Variants in CNTNAP2 observed in about 807,000 individuals in gnomAD.
CNTNAP2 encodes the protein contactin associated protein 2.
A neutral mutation model predicts 155.2 loss-of-function variants in CNTNAP2; 98 were observed. The observed-to-expected ratio is 0.63, with a 90% CI of 0.54 to 0.75. CNTNAP2 has a LOEUF of 0.75. CNTNAP2 is among the 30% of genes least tolerant of loss of function. CNTNAP2 has a pLI of 0.00. For synonymous variants in CNTNAP2, 651 were observed against 631.2 expected (o/e 1.03, Z -0.47); for missense variants, 1,727 against 1,688.1 (o/e 1.02, Z -0.40).
In CNTNAP2 at chr7:147,793,118, A is replaced by C. The variant is rs79565133; in HGVS notation, c.2099-110447A>C. Among the ~76,000 whole-genome samples the C allele has an allele frequency of 8.6e-3, 1,308 of 152,252 alleles. 18 individuals are homozygous for C. The highest frequency in any genetic ancestry group is 0.03 in the African/African-American group (1,230 of 41,576). Reference sequence around the variant, plus strand: ...TTATCAGGTATATGGTTTTCAAAAAATTTATCATCTGTGTGTTGTCTTTTT... The same window carrying C: ...TTATCAGGTATATGGTTTTCAAAAACTTTATCATCTGTGTGTTGTCTTTTT... On this transcript the variant is annotated intron_variant, in intron 13 of 23. Transcript: ENST00000361727.
At chr7:146,776,212 G>C (rs1412824501) in intron 2 of CNTNAP2, among the ~76,000 whole-genome samples, 1 of 152,136 alleles carries the variant, frequency 6.6e-6, no homozygotes, top group Non-Finnish European at 1.5e-5. Context: ...TAGGTCCCAA[G>C]AGAGTGTACT....
intron 1 of CNTNAP2, among the ~76,000 whole-genome samples, chr7:146,431,199 A>C (rs1796168546): frequency 6.6e-6 from 1 of 152,062 alleles, no homozygotes; most frequent in African/African-American, 2.4e-5. Context: ...GGTTTGCTCC[A>C]TTTAAAAAAT....
At chr7:147,939,355 G>T (rs1290563106) in intron 14 of CNTNAP2, among the ~76,000 whole-genome samples, 2 of 151,040 alleles carry the variant, frequency 1.3e-5, no homozygotes, top group Non-Finnish European at 2.9e-5. Flanking sequence ...TATTTTTTTT[G>T]AGACAGGCTG....
Position 146,299,227 on chromosome 7 carries a change from T to C in CNTNAP2, c.97+182254T>C, listed in dbSNP as rs547921742. ...TGGAGGTTGCAGTGAGCCGAGATCA[T>C]GCCACTGCACTCCAGCCTGGGCAAC... On this transcript the variant is annotated intron_variant, in intron 1 of 23. Coordinates refer to ENST00000361727, the MANE Select transcript of CNTNAP2 (RefSeq NM_014141.6). 1.3e-4 allele frequency among the ~76,000 whole-genome samples: 20 copies of C among 152,132 alleles called. 1 individual carries two copies. The South Asian group carries it at 4.2e-3, about 32-fold the overall frequency.
At chr7:148,239,064 G>A (rs1796098264) in intron 20 of CNTNAP2, among the ~76,000 whole-genome samples, 2 of 152,136 alleles carry the variant, frequency 1.3e-5, no homozygotes, top group African/African-American at 2.4e-5. Context: ...TACATTTACT[G>A]TAACTCCTTC....
intron 16 of CNTNAP2, among the ~76,000 whole-genome samples, chr7:148,133,254 G>A (rs912284422): frequency 6.6e-6 from 1 of 152,106 alleles, no homozygotes; most frequent in Non-Finnish European, 1.5e-5. Context: ...CTGAGGCCAC[G>A]AGATCTAGAC....
intron 1 of CNTNAP2, among the ~76,000 whole-genome samples, chr7:146,229,450 G>A (rs1265461816): frequency 6.6e-6 from 1 of 152,100 alleles, no homozygotes; most frequent in Non-Finnish European, 1.5e-5. Flanking sequence ...TCTGCTCCAG[G>A]TAGTGGTTTG....
At chr7:146,306,752 T>C (rs895673174) in intron 1 of CNTNAP2, among the ~76,000 whole-genome samples, 20 of 151,812 alleles carry the variant, frequency 1.3e-4, no homozygotes, top group African/African-American at 4.6e-4. Flanking sequence ...TCTCAGTAGA[T>C]GCTGAAAGGC....
chr7:147,142,514 G>A (rs1054738729), intron 8 of CNTNAP2, among the ~76,000 whole-genome samples: 2 of 152,124 alleles, frequency 1.3e-5, no homozygotes, highest in East Asian at 1.9e-4. Context: ...AAGTTCATCA[G>A]GGATATTGGT....
rs139607016 is a variant in CNTNAP2, at chr7:147,059,733, G to A, written c.550+15679G>A. On this transcript the variant is annotated intron_variant, in intron 4 of 23. Transcript: ENST00000361727. ...GTCCTTACAACAAAGATGCAAAACAGGTAATTATTCCCCCATTTTGCAAAT... is the reference window on the plus strand; with the variant it reads ...GTCCTTACAACAAAGATGCAAAACAAGTAATTATTCCCCCATTTTGCAAAT... Among the ~76,000 whole-genome samples, 132 of 152,138 alleles carry A rather than the reference G, an allele frequency of 8.7e-4. 2 individuals are homozygous for A. The East Asian group carries it at 0.018, about 21-fold the overall frequency.
chr7:147,684,345 G>C (rs937493262), intron 13 of CNTNAP2, among the ~76,000 whole-genome samples: 5 of 151,670 alleles, frequency 3.3e-5, no homozygotes, highest in Admixed American at 3.3e-4. Context: ...ACACACTGAA[G>C]AAAATAATTT....
At position 146,352,774 on chromosome 7, in the gene CNTNAP2, A is replaced by T. The variant is rs866943200; in HGVS notation, c.97+235801A>T. Among the ~76,000 whole-genome samples the T allele has an allele frequency of 0.011, 368 of 34,344 alleles. 4 individuals are homozygous for T. In the African/African-American group the frequency reaches 0.11, roughly 10 times the overall value. The allele number at this position is 34,344 out of a possible 152,430, so 22.5% of individuals were successfully genotyped here. A position where few individuals can be genotyped will look rare whatever the true frequency, so the allele number is the denominator to read the frequency against. On this transcript the variant is annotated intron_variant, in intron 1 of 23. Transcript: ENST00000361727. The stretch of plus-strand genomic sequence containing the variant: ...TGTTTTTTTTTTTTTTTTTTTTTCG[A>T]GACAGAGTCTCTCTCTGTCGCCCAG...
chr7:147,241,487 G>T (rs1384215384), intron 8 of CNTNAP2, among the ~76,000 whole-genome samples: 1 of 151,896 alleles, frequency 6.6e-6, no homozygotes, highest in Non-Finnish European at 1.5e-5. Flanking sequence ...AATTACCTGG[G>T]CGTGGTTGCA....
chr7:147,168,007 T>C (rs1802149571), intron 8 of CNTNAP2, among the ~76,000 whole-genome samples: 1 of 149,214 alleles, frequency 6.7e-6, no homozygotes. Context: ...TACATGCATA[T>C]ATATACATAT....
chr7:146,400,317 T>G (rs1438297757), intron 1 of CNTNAP2, among the ~76,000 whole-genome samples: 1 of 152,150 alleles, frequency 6.6e-6, no homozygotes, highest in African/African-American at 2.4e-5. Context: ...AAAACTTCTT[T>G]GAATTACCAT....
At chr7:147,298,629 T>C (rs534299898) in intron 8 of CNTNAP2, among the ~76,000 whole-genome samples, 38 of 152,326 alleles carry the variant, frequency 2.5e-4, no homozygotes, top group South Asian at 4.1e-4. Context: ...CAACTAGTAA[T>C]GTATGATTTT....
intron 1 of CNTNAP2, among the ~76,000 whole-genome samples, chr7:146,388,839 AC>A (rs1321743374): frequency 1.3e-5 from 2 of 152,108 alleles, no homozygotes; most frequent in Admixed American, 6.6e-5. Flanking sequence ...TTTAGATCTC[AC>A]AAATAAGCAA....
chr7:146,125,862 C>A (rs1450047447), intron 1 of CNTNAP2, among the ~76,000 whole-genome samples: 1 of 152,146 alleles, frequency 6.6e-6, no homozygotes, highest in African/African-American at 2.4e-5. Context: ...TAACAATTTA[C>A]ATTTTCAGCA....
intron 10 of CNTNAP2, among the ~76,000 whole-genome samples, chr7:147,440,129 T>C (rs1797612793): frequency 6.6e-6 from 1 of 152,042 alleles, no homozygotes; most frequent in Admixed American, 6.6e-5. Context: ...TGTTGTTTTG[T>C]GGTCTTCTCT....
Sources: gnomAD v4.1 joint callset for allele counts (sites outside exome capture counted in the v4.1 genomes callset) on GRCh38, gnomAD v4.1.1 for gene constraint, MANE v1.5 for transcripts, NCBI Gene and HGNC (gene_info 2026-07-23, HGNC 2026-07-21) for gene names.